ZNF268: variants seen among roughly 807,000 people sequenced by gnomAD.
ZNF268 encodes the protein zinc finger protein 268.
In ZNF268, 20 loss-of-function variants were observed where a neutral mutation model predicts 29.3. The observed-to-expected ratio is 0.68, with a 90% CI of 0.48 to 0.99. The LOEUF is 0.99. Ranked by LOEUF, ZNF268 falls within the 50% of genes least tolerant of loss-of-function variation. The probability of loss-of-function intolerance (pLI) is 0.00; values close to 1 mark genes in which losing one functional copy is unlikely to be tolerated. For missense variants in ZNF268, 1,240 were observed against 1,121.6 expected, an observed-to-expected ratio of 1.11 and a Z score of -1.51; for synonymous variants, 429 against 376.9, an observed-to-expected ratio of 1.14 and a Z score of -1.60.
intron 5 of ZNF268, among the ~76,000 whole-genome samples, chr12:133,200,957 C>T (rs904630489): frequency 1.3e-5 from 2 of 152,088 alleles, no homozygotes; most frequent in Non-Finnish European, 2.9e-5. Flanking sequence ...TGTCTCTTCT[C>T]ATGTTCCCAT....
intron 5 of ZNF268, among the ~76,000 whole-genome samples, chr12:133,194,121 G>C (rs978052538): frequency 1.3e-5 from 2 of 152,054 alleles, no homozygotes; most frequent in African/African-American, 4.8e-5. Flanking sequence ...GTTGTATTTA[G>C]CTAAATTTAT....
chr12:133,194,388 C>T (rs543214529), intron 5 of ZNF268, among the ~76,000 whole-genome samples: 7 of 152,282 alleles, frequency 4.6e-5, no homozygotes, highest in African/African-American at 1.7e-4. Context: ...CTCACTCAAT[C>T]GCCAAGGGCC....
chr12:133,191,475 A>G lies in ZNF268; in HGVS notation c.235-14A>G. 3.1e-6 allele frequency: 5 copies of G among 1,613,932 alleles called. No homozygotes were observed. The highest frequency in any genetic ancestry group is 4.2e-6 in the Non-Finnish European group (5 of 1,179,850). ...TAAAATAACTTGAAATTGGATGAGC[A>G]TATTGTATTTCAGGGACCTTTGTCA... On this transcript the variant is annotated splice_polypyrimidine_tract_variant and intron_variant, in intron 3 of 5. Transcript: ENST00000536435.
At position 133,211,684 on chromosome 12, in the gene ZNF268, A is replaced by G. The variant is rs1956984757; in HGVS notation, c.*7154A>G. The G allele has an allele frequency of 6.6e-6, 1 of 152,668 alleles. No individual in the cohort carries two copies. The highest frequency in any genetic ancestry group is 1.5e-5 in the Non-Finnish European group (1 of 68,358). 9.5% of individuals were successfully genotyped at this position (152,668 alleles called of 1,614,324 possible). Reference sequence around the variant, plus strand: ...GGGAAAAGCAAATTAAAACAACGAGATAGCACCGCACATCTATTAAAGTGA... The same window carrying G: ...GGGAAAAGCAAATTAAAACAACGAGGTAGCACCGCACATCTATTAAAGTGA... On this transcript the variant is annotated 3_prime_UTR_variant, in exon 6 of 6. Coordinates refer to ENST00000536435, the MANE Select transcript of ZNF268 (RefSeq NM_003415.3).
chr12:133,196,023 T>TA lies in ZNF268; in HGVS notation c.457+4038dup, dbSNP rs760775058. 5.4e-3 allele frequency among the ~76,000 whole-genome samples: 647 copies of TA among 120,370 alleles called. 2 individuals are homozygous for TA. The highest frequency in any genetic ancestry group is 0.017 in the Middle Eastern group (4 of 240). The allele number at this position is 120,370 out of a possible 152,430, so 79.0% of individuals were successfully genotyped here. Reference sequence around the variant, plus strand: ...CTATGCCCGGCCAACCCTGTCTCTTTAAAAAAAAAAAAAAAAAAGGCCAGG... The same window carrying TA: ...CTATGCCCGGCCAACCCTGTCTCTTTAAAAAAAAAAAAAAAAAAAGGCCAGG... On this transcript the variant is annotated intron_variant, in intron 5 of 5. Transcript: ENST00000536435.
chr12:133,205,683 G>C lies in ZNF268; in HGVS notation c.*1153G>C, dbSNP rs557010944. 2.8e-4 allele frequency: 43 copies of C among 152,328 alleles called. No homozygotes were observed. The highest frequency in any genetic ancestry group is 1.0e-3 in the African/African-American group (42 of 41,582). The allele number at this position is 152,328 out of a possible 1,614,324, so 9.4% of individuals were successfully genotyped here. ...CTGCCCTTTGGAAGCAGTCTTGGCA[G>C]CAACCTCTTTAGTAATCAATATAAG... On this transcript the variant is annotated 3_prime_UTR_variant, in exon 6 of 6. Transcript: ENST00000536435.
Position 133,210,997 on chromosome 12 carries a change from C to T in ZNF268, c.*6467C>T, listed in dbSNP as rs1956970470. On this transcript the variant is annotated 3_prime_UTR_variant, in exon 6 of 6. Transcript: ENST00000536435. ...CCTGAAATTCAATCTTACGATTTTC[C>T]ATGCCATAATTTTGGAAAACGAAAC... is the stretch of plus-strand genomic sequence containing the variant. 2.2e-6 allele frequency: 1 copy of T among 455,996 alleles called. No individual in the cohort carries two copies. Among genetic ancestry groups the T allele is most frequent in the Non-Finnish European group, 4.4e-6 (1 of 226,792 alleles). The allele number at this position is 455,996 out of a possible 1,614,324, so 28.2% of individuals were successfully genotyped here. A position where few individuals can be genotyped will look rare whatever the true frequency, so the allele number is the denominator to read the frequency against.
At chr12:133,201,463 T>C (rs560684271) in intron 5 of ZNF268, among the ~76,000 whole-genome samples, 1 of 152,212 alleles carries the variant, frequency 6.6e-6, no homozygotes, top group African/African-American at 2.4e-5. Flanking sequence ...TGTTTTGACT[T>C]TATTCCTCAT....
In ZNF268 at chr12:133,181,942, C is replaced by G. The variant is rs1215967116; in HGVS notation, c.-52-4C>G. ...CTCTTTCTTCACTGTGCTCTCTCTT[C>G]TAGCATCCCTCGCGTCCTGTCACTT... On this transcript the variant is annotated splice_region_variant and splice_polypyrimidine_tract_variant and intron_variant, in intron 1 of 5. Transcript: ENST00000536435. 1 of 1,546,802 alleles carries G rather than the reference C, an allele frequency of 6.5e-7. No homozygotes were observed. Among genetic ancestry groups the G allele is most frequent in the African/African-American group, 1.4e-5 (1 of 72,918 alleles).
chr12:133,184,649 C>T lies in ZNF268; in HGVS notation c.33+2619C>T, dbSNP rs115933050. 7.3e-3 allele frequency: 3,075 copies of T among 423,002 alleles called. 66 individuals carry two copies. Among genetic ancestry groups the T allele is most frequent in the African/African-American group, 0.056 (2,777 of 49,268 alleles). 26.2% of individuals were successfully genotyped at this position (423,002 alleles called of 1,614,324 possible). A position where few individuals can be genotyped will look rare whatever the true frequency, so the allele number is the denominator to read the frequency against. ...TGTTTATTTTTTTGAGACTGAGTCT[C>T]GCTCTGTCTTCCAGGCTGGAGTGCA... On this transcript the variant is annotated intron_variant, in intron 2 of 5. Coordinates refer to ENST00000536435, the MANE Select transcript of ZNF268 (RefSeq NM_003415.3).
In ZNF268 at chr12:133,205,175, C is replaced by CAAAAAAAAAAAAAAAAAA. The variant is rs1343948566; in HGVS notation, c.*647_*648insAAAAAAAAAAAAAAAAAA. 27 of 21,782 alleles carry CAAAAAAAAAAAAAAAAAA rather than the reference C, an allele frequency of 1.2e-3. No individual in the cohort carries two copies. The highest frequency in any genetic ancestry group is 0.014 in the East Asian group (2 of 148). The allele number at this position is 21,782 out of a possible 1,614,324, so 1.3% of individuals were successfully genotyped here. On this transcript the variant is annotated 3_prime_UTR_variant, in exon 6 of 6. Coordinates refer to ENST00000536435, the MANE Select transcript of ZNF268 (RefSeq NM_003415.3). ...AAAAAAAAAAAAAAAAAAAAAAAAC[C>CAAAAAAAAAAAAAAAAAA]AACCTGTTATTATATCTTAATATTA...
At chr12:133,188,283 A>T in intron 3 of ZNF268, 1 of 530,386 alleles carries the variant, frequency 1.9e-6, no homozygotes, top group East Asian at 3.2e-5. Context: ...TGCAGCCTCA[A>T]ACTCCAGGCT....
intron 4 of ZNF268, 119 bp from the exon 5 acceptor site, chr12:133,191,789 G>C: frequency 6.9e-7 from 1 of 1,456,714 alleles, no homozygotes; most frequent in Non-Finnish European, 9.6e-7. Context: ...TCTTTACTTT[G>C]CCAAATTGCA....
rs1022828343 is a variant in ZNF268, at chr12:133,208,082, C to T, written c.*3552C>T. ...GTAAAATTAGCCAGGTGCAGTGGCTCATCCATGTAATACCAGCACTTGGGA... is the reference window on the plus strand; with the variant it reads ...GTAAAATTAGCCAGGTGCAGTGGCTTATCCATGTAATACCAGCACTTGGGA... On this transcript the variant is annotated 3_prime_UTR_variant, in exon 6 of 6. Transcript: ENST00000536435. 6.6e-6 allele frequency: 1 copy of T among 152,140 alleles called. No homozygotes were observed. The highest frequency in any genetic ancestry group is 1.5e-5 in the Non-Finnish European group (1 of 68,042). 9.4% of individuals were successfully genotyped at this position (152,140 alleles called of 1,614,324 possible).
chr12:133,188,249 C>T (rs909441644), intron 3 of ZNF268, 177 bp downstream of exon 3: 17 of 602,518 alleles, frequency 2.8e-5, no homozygotes, highest in Middle Eastern at 4.4e-4. Flanking sequence ...CAGAGTGGAG[C>T]GCAGTGGTGC....
rs1008910946 is a variant in ZNF268, at chr12:133,213,539, G to T, written c.*9009G>T. ...TCTCTACTAAAAATAAAAAAAAAGAGAAAAAAAAAAGCCGGGTGTGGTGGC... is the reference window on the plus strand; with the variant it reads ...TCTCTACTAAAAATAAAAAAAAAGATAAAAAAAAAAGCCGGGTGTGGTGGC... On this transcript the variant is annotated 3_prime_UTR_variant, in exon 6 of 6. Coordinates refer to ENST00000536435, the MANE Select transcript of ZNF268 (RefSeq NM_003415.3). The T allele has an allele frequency of 6.9e-6, 1 of 144,692 alleles. No homozygotes were observed. The highest frequency in any genetic ancestry group is 1.5e-5 in the Non-Finnish European group (1 of 65,822). 9.0% of individuals were successfully genotyped at this position (144,692 alleles called of 1,614,324 possible). A position where few individuals can be genotyped will look rare whatever the true frequency, so the allele number is the denominator to read the frequency against.
intron 5 of ZNF268, among the ~76,000 whole-genome samples, chr12:133,197,202 A>C: frequency 1.1e-5 from 1 of 92,576 alleles, no homozygotes; most frequent in Admixed American, 1.6e-4. Context: ...CCCACCCCAC[A>C]ACAATCCCCA....
Position 133,203,943 on chromosome 12 carries a change from G to C in ZNF268, c.2257G>C (p.Glu753Gln). The change falls in exon 6 of 6, where the codon GAA (glutamate) becomes CAA (glutamine). Residue 753 changes from glutamate to glutamine, a missense_variant. Glu to Gln is a conservative substitution (Grantham distance 29, BLOSUM62 2). Around this residue, in one of 3 missense-constraint regions of ZNF268, gnomAD observed 1,177 missense variants for 1,039.6 expected, o/e 1.13. Transcript: ENST00000536435. Reference protein sequence around the residue: ...QRIHTGENPYECSECGKAFNR... With the variant: ...QRIHTGENPYQCSECGKAFNR... ...AATTCACACAGGAGAAAATCCCTAT[G>C]AATGCAGTGAATGTGGGAAAGCCTT... 1 of 1,593,632 alleles carries C rather than the reference G, an allele frequency of 6.3e-7. No individual in the cohort carries two copies. Among genetic ancestry groups the C allele is most frequent in the Non-Finnish European group, 8.5e-7 (1 of 1,171,944 alleles).
intron 5 of ZNF268, among the ~76,000 whole-genome samples, chr12:133,193,046 T>C (rs1204096439): frequency 1.3e-5 from 2 of 152,240 alleles, no homozygotes; most frequent in African/African-American, 2.4e-5. Flanking sequence ...CAGTGACACC[T>C]GTTGATCCTG....
Sources: allele counts gnomAD v4.1 joint callset (sites outside exome capture counted in the v4.1 genomes callset), GRCh38; gene constraint gnomAD v4.1.1; regional missense constraint gnomAD v4.1.1; transcripts MANE v1.5; gene names NCBI Gene and HGNC (gene_info 2026-07-23, HGNC 2026-07-21).